SPATA31D1: variants seen among roughly 807,000 people sequenced by gnomAD.
SPATA31D1 encodes spermatogenesis-associated protein 31D1.
A neutral mutation model predicts 13.2 loss-of-function variants in SPATA31D1; 6 were observed. The ratio of observed to expected loss-of-function variants is 0.46; its 90% CI spans 0.25 to 0.90. SPATA31D1 has a LOEUF of 0.90. Among genes scored for constraint, SPATA31D1 ranks in the 40% least tolerant of loss-of-function variants. The pLI, the probability that SPATA31D1 is intolerant of heterozygous loss-of-function variation, is 0.18. For missense variants in SPATA31D1, 2,445 were observed against 1,884.7 expected (o/e 1.30, Z -5.50); for synonymous variants, 903 against 718.8 (o/e 1.26, Z -4.10).
In SPATA31D1 at chr9:81,990,455, G is replaced by C; in HGVS notation, c.271G>C (p.Glu91Gln). The change falls in exon 3 of 4, where the codon GAG becomes CAG. Residue 91 changes from glutamate (E) to glutamine (Q), a missense_variant. By Grantham distance (29) the Glu-to-Gln change is conservative. Transcript: ENST00000344803. ...DWKSFQREEE[E>Q]ERKLLSLLKS... is the part of the protein sequence containing the mutation. ...GAAAAGTTTCCAGAGAGAAGAGGAA[G>C]AGGAAAGGAAGCTGCTTTCTCTTCT... 1 of 1,608,962 alleles carries C rather than the reference G, an allele frequency of 6.2e-7. No homozygotes were observed. Among genetic ancestry groups the C allele is most frequent in the Middle Eastern group, 1.7e-4 (1 of 6,056 alleles).
Position 81,992,372 on chromosome 9 carries a change from A to G in SPATA31D1, c.1902A>G (p.Glu634=), listed in dbSNP as rs768044363. The part of the protein sequence containing the change: ...LEWNVLQKVQ[E]SLWGLPSVVQ... ...GGAACGTGTTGCAGAAAGTGCAGGA[A>G]AGTTTGTGGGGCTTACCCTCTGTGG... The change falls in exon 4 of 4, where the codon GAA becomes GAG. Residue 634 remains glutamate, a synonymous_variant. Transcript: ENST00000344803. The G allele has an allele frequency of 9.9e-6, 16 of 1,613,804 alleles. No homozygotes were observed. Among genetic ancestry groups the G allele is most frequent in the Non-Finnish European group, 1.3e-5 (15 of 1,179,730 alleles).
chr9:81,993,384 G>A lies in SPATA31D1; in HGVS notation c.2914G>A (p.Glu972Lys), dbSNP rs768424511. ...CCGTAGTCGAAGCACTTTTCAAGGA[G>A]AAAAGTTGGGAACAACAAGCTCAGT... ...KSRSRSTFQGEKLGTTSSVPI... is the reference protein window; with the variant it reads ...KSRSRSTFQGKKLGTTSSVPI... The change falls in exon 4 of 4, where the codon GAA (glutamate) becomes AAA (lysine). Residue 972 changes from glutamate (E) to lysine (K), a missense_variant. By Grantham distance (56) the Glu-to-Lys change is moderately conservative. Transcript: ENST00000344803. 16 of 1,614,004 alleles carry A rather than the reference G, an allele frequency of 9.9e-6. No homozygotes were observed. In the East Asian group the frequency reaches 3.6e-4, roughly 36 times the overall value.
At chr9:81,989,750 C>A in intron 1 of SPATA31D1, 28 bp from the exon 2 acceptor site, 1 of 1,612,846 alleles carries the variant, frequency 6.2e-7, no homozygotes, top group Admixed American at 1.7e-5. Flanking sequence ...TGAGTCCCAG[C>A]CTGTCATTAT....
Position 81,989,759 on chromosome 9 carries a change from A to G in SPATA31D1, c.187-19A>G. On this transcript the variant is annotated intron_variant, in intron 1 of 3. Transcript: ENST00000344803. ...GAGAAGTGAGTCCCAGCCTGTCATT[A>G]TCTGTCTTTTGTTCTCAGCATCAGG... 1.2e-6 allele frequency: 2 copies of G among 1,613,404 alleles called. No individual in the cohort carries two copies. The highest frequency in any genetic ancestry group is 1.7e-6 in the Non-Finnish European group (2 of 1,179,514).
rs1450063964 is a variant in SPATA31D1, at chr9:81,991,870, C to T, written c.1400C>T (p.Ser467Phe). The change falls in exon 4 of 4, where the codon TCC becomes TTC. Residue 467 changes from serine to phenylalanine, a missense_variant. Transcript: ENST00000344803. ...GCTGTTAAGCATGACTTGGCAGAAT[C>T]CTTTCCTTTTTGGGCCAGTAAAGGC... is the stretch of plus-strand genomic sequence containing the variant. ...SIAVKHDLAE[S>F]FPFWASKGKL... 6.2e-7 allele frequency: 1 copy of T among 1,613,684 alleles called. No homozygotes were observed. The highest frequency in any genetic ancestry group is 8.5e-7 in the Non-Finnish European group (1 of 1,179,740).
upstream of SPATA31D1, among the ~76,000 whole-genome samples, chr9:81,988,565 GATAAAT>G (rs1435214225): frequency 6.6e-6 from 1 of 152,118 alleles, no homozygotes; most frequent in Non-Finnish European, 1.5e-5. Context: ...ATTCCACTAA[GATAAAT>G]ATATGACATG....
Position 81,994,266 on chromosome 9 carries a change from G to T in SPATA31D1, c.3796G>T (p.Val1266Leu). The T allele has an allele frequency of 6.2e-7, 1 of 1,614,048 alleles. No individual in the cohort carries two copies. ...CCACTTGGAGGACAGCGGAATCCGT[G>T]TGGCACAGAAGCAGGAGCCCAGGGT... ...HVHLEDSGIR[V>L]AQKQEPRVPT... The change falls in exon 4 of 4, where the codon GTG (valine) becomes TTG (leucine). Residue 1266 changes from valine (V) to leucine (L), a missense_variant. Transcript: ENST00000344803.
rs1825050555 is a variant in SPATA31D1, at chr9:81,994,381, T to C, written c.3911T>C (p.Leu1304Pro). Residue 1304 changes from leucine to proline, a missense_variant, in exon 4 of 4, where the codon CTT (leucine) becomes CCT (proline). Coordinates refer to ENST00000344803, the MANE Select transcript of SPATA31D1 (RefSeq NM_001001670.3). ...CCTGTGAGACCCAAAGGAGGAGAGC[T>C]TGATGGAGGGGATGCAGGGCTGGGG... The part of the protein sequence containing the change: ...VSPVRPKGGE[L>P]DGGDAGLGTS... 4.3e-6 allele frequency: 7 copies of C among 1,613,888 alleles called. No homozygotes were observed. The highest frequency in any genetic ancestry group is 5.9e-6 in the Non-Finnish European group (7 of 1,179,880).
Position 81,994,987 on chromosome 9 carries a change from A to G in SPATA31D1, c.4517A>G (p.Lys1506Arg), listed in dbSNP as rs1302583637. The G allele has an allele frequency of 1.2e-6, 2 of 1,613,858 alleles. No homozygotes were observed. Among genetic ancestry groups the G allele is most frequent in the Non-Finnish European group, 1.7e-6 (2 of 1,179,888 alleles). Residue 1506 changes from lysine (K) to arginine (R), a missense_variant, in exon 4 of 4, where the codon AAG becomes AGG. By Grantham distance (26) the Lys-to-Arg change is conservative. Transcript: ENST00000344803. ...DRQPQKVEAF[K>R]GKILCQSHPQ... ...CAGCCCCAGAAAGTTGAGGCATTTA[A>G]GGGGAAGATACTGTGTCAAAGCCAT...
In SPATA31D1 at chr9:81,991,451, G is replaced by A. The variant is rs747027613; in HGVS notation, c.981G>A (p.Met327Ile). The change falls in exon 4 of 4, where the codon ATG becomes ATA. Residue 327 changes from methionine to isoleucine, a missense_variant. By Grantham distance (10) the Met-to-Ile change is conservative. Transcript: ENST00000344803. ...SLTILKTFPE[M>I]LSLGGSGGSS... ...CCATCTTGAAGACTTTTCCGGAAAT[G>A]TTATCTCTAGGTGGCTCTGGTGGGT... 3 of 1,614,028 alleles carry A rather than the reference G, an allele frequency of 1.9e-6. No individual in the cohort carries two copies. In the East Asian group the frequency reaches 6.7e-5, roughly 36 times the overall value.
rs1460644826 is a variant in SPATA31D1 at position 81,992,578 on chromosome 9, C to T, written c.2108C>T (p.Pro703Leu). Residue 703 changes from proline to leucine, a missense_variant, in exon 4 of 4, where the codon CCC becomes CTC. Physicochemically the swap from Pro to Leu is moderately conservative, Grantham distance 98. Coordinates refer to ENST00000344803, the MANE Select transcript of SPATA31D1 (RefSeq NM_001001670.3). ...RRLIQRRWGL[P>L]RRIHESLSLL... is the part of the protein sequence containing the mutation. Reference sequence around the variant, plus strand: ...CTCATCCAGCGCAGATGGGGCCTGCCCCGCAGAATCCATGAGTCTCTGTCA... The same window carrying T: ...CTCATCCAGCGCAGATGGGGCCTGCTCCGCAGAATCCATGAGTCTCTGTCA... 1 of 1,612,152 alleles carries T rather than the reference C, an allele frequency of 6.2e-7. No individual in the cohort carries two copies. Among genetic ancestry groups the T allele is most frequent in the African/African-American group, 1.3e-5 (1 of 74,986 alleles).
At position 81,993,807 on chromosome 9, in the gene SPATA31D1, G is replaced by T; in HGVS notation, c.3337G>T (p.Ala1113Ser). Residue 1113 changes from alanine to serine, a missense_variant, in exon 4 of 4, where the codon GCA becomes TCA. Physicochemically the swap from Ala to Ser is moderately conservative, Grantham distance 99. Transcript: ENST00000344803. ...KQTVLASRCS[A>S]ELPIMQAGAG... Reference sequence around the variant, plus strand: ...GACTGTACTGGCCAGTAGATGCAGCGCAGAGCTGCCCATAATGCAAGCTGG... The same window carrying T: ...GACTGTACTGGCCAGTAGATGCAGCTCAGAGCTGCCCATAATGCAAGCTGG... 6.2e-7 allele frequency: 1 copy of T among 1,614,004 alleles called. No homozygotes were observed. The highest frequency in any genetic ancestry group is 8.5e-7 in the Non-Finnish European group (1 of 1,179,892).
Position 81,988,987 on chromosome 9 carries a change from A to C in SPATA31D1, c.169A>C (p.Asn57His). 6.2e-7 allele frequency: 1 copy of C among 1,611,826 alleles called. No homozygotes were observed. Among genetic ancestry groups the C allele is most frequent in the Non-Finnish European group, 8.5e-7 (1 of 1,179,684 alleles). Residue 57 changes from asparagine (N) to histidine (H), a missense_variant, in exon 1 of 4, where the codon AAT becomes CAT. Physicochemically the swap from Asn to His is moderately conservative, Grantham distance 68. Transcript: ENST00000344803. Reference sequence around the variant, plus strand: ...CCTGTATTCGTCACCCACCGAAAAAAATAATGACATCCAAAAGGTAAGGAA... The same window carrying C: ...CCTGTATTCGTCACCCACCGAAAAACATAATGACATCCAAAAGGTAAGGAA... ...LTLYSSPTEKNNDIQKHQGRA... is the reference protein window; with the variant it reads ...LTLYSSPTEKHNDIQKHQGRA...
At chr9:81,988,192 G>A (rs1824887497), upstream of SPATA31D1, among the ~76,000 whole-genome samples, 1 of 152,058 alleles carries the variant, frequency 6.6e-6, no homozygotes, top group Admixed American at 6.6e-5. Flanking sequence ...AACCCAAATT[G>A]GGCAGTGAGC....
At position 81,990,454 on chromosome 9, in the gene SPATA31D1, A is replaced by C; in HGVS notation, c.270A>C (p.Glu90Asp). 1 of 1,608,952 alleles carries C rather than the reference A, an allele frequency of 6.2e-7. No individual in the cohort carries two copies. Among genetic ancestry groups the C allele is most frequent in the Non-Finnish European group, 8.5e-7 (1 of 1,177,464 alleles). ...GGAAAAGTTTCCAGAGAGAAGAGGA[A>C]GAGGAAAGGAAGCTGCTTTCTCTTC... The part of the protein sequence containing the change: ...PDWKSFQREE[E>D]EERKLLSLLK... The change falls in exon 3 of 4, where the codon GAA becomes GAC. Residue 90 changes from glutamate to aspartate, a missense_variant. Coordinates refer to ENST00000344803, the MANE Select transcript of SPATA31D1 (RefSeq NM_001001670.3).
chr9:81,992,006 C>A lies in SPATA31D1; in HGVS notation c.1536C>A (p.Ser512Arg), dbSNP rs779704681. 1 of 1,613,780 alleles carries A rather than the reference C, an allele frequency of 6.2e-7. No homozygotes were observed. The highest frequency in any genetic ancestry group is 1.1e-5 in the South Asian group (1 of 91,070). The stretch of plus-strand genomic sequence containing the variant: ...TCTGGGGTCTCCCATCTTTGCACAG[C>A]GAGTCTCTGCATCCTACTGTTCTTG... ...QLFWGLPSLH[S>R]ESLHPTVLVQ... Residue 512 changes from serine (S) to arginine (R), a missense_variant, in exon 4 of 4, where the codon AGC becomes AGA. Transcript: ENST00000344803.
In SPATA31D1 at chr9:81,992,970, T is replaced by G; in HGVS notation, c.2500T>G (p.Leu834Val). Reference protein sequence around the residue: ...KQLENALTVRLSKKFEEINEG... With the variant: ...KQLENALTVRVSKKFEEINEG... ...ACTTGAAAATGCCCTGACAGTACGT[T>G]TGAGCAAGAAATTTGAGGAAATCAA... Residue 834 changes from leucine to valine, a missense_variant, in exon 4 of 4, where the codon TTG (leucine) becomes GTG (valine). Coordinates refer to ENST00000344803, the MANE Select transcript of SPATA31D1 (RefSeq NM_001001670.3). 3 of 1,613,692 alleles carry G rather than the reference T, an allele frequency of 1.9e-6. No homozygotes were observed. Among genetic ancestry groups the G allele is most frequent in the Non-Finnish European group, 2.5e-6 (3 of 1,179,700 alleles).
rs1824963768 is a variant in SPATA31D1 at position 81,991,547 on chromosome 9, G to A, written c.1077G>A (p.Trp359Ter). 1 of 1,613,970 alleles carries A rather than the reference G, an allele frequency of 6.2e-7. No individual in the cohort carries two copies. The highest frequency in any genetic ancestry group is 8.5e-7 in the Non-Finnish European group (1 of 1,179,894). Residue 359 changes from tryptophan to a stop codon, truncating the protein, a stop_gained, in exon 4 of 4, where the codon TGG becomes TGA. Coordinates refer to ENST00000344803, the MANE Select transcript of SPATA31D1 (RefSeq NM_001001670.3). LOFTEE classifies it low-confidence loss of function (END_TRUNC). ...SHLASSEFTWWQPHAKDSFSS... is the reference protein window; with the variant it reads ...SHLASSEFTW ...TTGCATCTTCAGAATTCACCTGGTGGCAGCCTCATGCCAAGGACTCTTTTT... is the reference window on the plus strand; with the variant it reads ...TTGCATCTTCAGAATTCACCTGGTGACAGCCTCATGCCAAGGACTCTTTTT...
Position 81,992,105 on chromosome 9 carries a change from A to C in SPATA31D1, c.1635A>C (p.Pro545=), listed in dbSNP as rs199998486. The C allele has an allele frequency of 1.2e-6, 2 of 1,613,690 alleles. No homozygotes were observed. The highest frequency in any genetic ancestry group is 1.7e-6 in the Non-Finnish European group (2 of 1,179,712). The change falls in exon 4 of 4, where the codon CCA becomes CCC. Residue 545 remains proline, a synonymous_variant. Coordinates refer to ENST00000344803, the MANE Select transcript of SPATA31D1 (RefSeq NM_001001670.3). The stretch of plus-strand genomic sequence containing the variant: ...ATACATCTATATCCCATGAATCCCC[A>C]GTACTTCCCCCTCCCCAACCTCTGT... ...ITNTSISHES[P]VLPPPQPLSL...
Sources: gnomAD v4.1 joint callset for allele counts (sites outside exome capture counted in the v4.1 genomes callset) on GRCh38, gnomAD v4.1.1 for gene constraint, MANE v1.5 for transcripts, NCBI Gene and HGNC (gene_info 2026-07-23, HGNC 2026-07-21) for gene names.